The following LOXL4 variants were observed in gnomAD, a reference collection of about 807,000 sequenced individuals.
LOXL4 encodes the protein lysyl oxidase like 4.
LOXL4 carries 72 observed loss-of-function variants against 89.1 expected under a neutral mutation model. The ratio of observed to expected loss-of-function variants is 0.81; its 90% confidence interval spans 0.67 to 0.98. The LOEUF (loss-of-function observed/expected upper bound fraction) is 0.98, where lower values mean the gene tolerates loss of function less well. Ranked by LOEUF, LOXL4 falls within the 50% of genes least tolerant of loss-of-function variation. The pLI is 0.00. For missense variants in LOXL4, 984 were observed against 1,017.5 expected (o/e 0.97, Z 0.45); for synonymous variants, 355 against 392.1 (o/e 0.91, Z 1.12).
Position 98,257,638 on chromosome 10 carries a change from A to C in LOXL4, c.1260+12T>G. On this transcript the variant is annotated intron_variant, in intron 8 of 14. Transcript: ENST00000260702. ...GCCCCCAGCCTGAGGCCATGCTCAGACCCAAACTCACCTGATTCTGAAAGC... is the reference window on the plus strand; with the variant it reads ...GCCCCCAGCCTGAGGCCATGCTCAGCCCCAAACTCACCTGATTCTGAAAGC... 6.2e-7 allele frequency: 1 copy of C among 1,611,544 alleles called. No individual in the cohort carries two copies. Among genetic ancestry groups the C allele is most frequent in the Non-Finnish European group, 8.5e-7 (1 of 1,178,860 alleles).
intron 11 of LOXL4, among the ~76,000 whole-genome samples, chr10:98,253,203 GTTCCTGGGAGTCCCCACT>G (rs2135826468): frequency 6.6e-6 from 1 of 152,344 alleles, no homozygotes; most frequent in Non-Finnish European, 1.5e-5. Context: ...GGGCCCCCAG[GTTCCTGGGAGTCCCCACT>G]TTACCTGGCT....
chr10:98,251,878 T>G (rs748126899), intron 12 of LOXL4, 176 bp from the exon 13 acceptor site: 2 of 709,548 alleles, frequency 2.8e-6, no homozygotes, highest in Non-Finnish European at 4.5e-6. Flanking sequence ...AAGATAGGAT[T>G]TGTTTGACTG....
At chr10:98,255,839 G>A in intron 9 of LOXL4, 100 bp from the exon 10 acceptor site, 1 of 1,432,610 alleles carries the variant, frequency 7.0e-7, no homozygotes, top group Non-Finnish European at 9.5e-7. Context: ...CCACCGGGTT[G>A]TGTCCAGCCT....
intron 10 of LOXL4, 26 bp downstream of exon 10, chr10:98,255,551 A>G (rs1178573791): frequency 1.3e-6 from 2 of 1,585,710 alleles, no homozygotes; most frequent in South Asian, 2.2e-5. Flanking sequence ...ACCTGTCCCC[A>G]GCCCTGTGAG....
At chr10:98,258,801 C>T (rs964058414) in intron 6 of LOXL4, among the ~76,000 whole-genome samples, 11 of 152,296 alleles carry the variant, frequency 7.2e-5, no homozygotes, top group Non-Finnish European at 1.2e-4. Context: ...CTATTCAAGG[C>T]GGGTGATGTC....
Position 98,261,132 on chromosome 10 carries a change from G to C in LOXL4, c.457-5C>G. ...CACCTCCTCCAGCCGCCGGCCCTGC[G>C]GGGTGCACAGTCACCTGTGGGCCTC... On this transcript the variant is annotated splice_polypyrimidine_tract_variant and splice_region_variant and intron_variant, in intron 3 of 14. Coordinates refer to ENST00000260702, the MANE Select transcript of LOXL4 (RefSeq NM_032211.7). 6.2e-7 allele frequency: 1 copy of C among 1,609,874 alleles called. No homozygotes were observed. Among genetic ancestry groups the C allele is most frequent in the Non-Finnish European group, 8.5e-7 (1 of 1,179,862 alleles).
chr10:98,259,979 T>G (rs1858493722), intron 4 of LOXL4, among the ~76,000 whole-genome samples: 1 of 152,206 alleles, frequency 6.6e-6, no homozygotes, highest in Non-Finnish European at 1.5e-5. Context: ...AACAAGGGCC[T>G]TCTAACCCTT....
Position 98,260,999 on chromosome 10 carries a change from C to A in LOXL4, c.585G>T (p.Trp195Cys). 6.2e-7 allele frequency: 1 copy of A among 1,614,016 alleles called. No homozygotes were observed. The highest frequency in any genetic ancestry group is 8.5e-7 in the Non-Finnish European group (1 of 1,180,042). ...ACACCACCCTGCTGTTGTTCATGGT[C>A]CAGCCCTGGTCACACACCTGCCGCC... ...GHWRQVCDQGWTMNNSRVVCG... is the reference protein window; with the variant it reads ...GHWRQVCDQGCTMNNSRVVCG... The change falls in exon 4 of 15, where the codon TGG (tryptophan) becomes TGT (cysteine). Residue 195 changes from tryptophan to cysteine, a missense_variant. Physicochemically the swap from Trp to Cys is radical, Grantham distance 215. Transcript: ENST00000260702.
At chr10:98,251,500 C>G (rs1282539623) in intron 13 of LOXL4, 66 bp downstream of exon 13, 1 of 1,585,574 alleles carries the variant, frequency 6.3e-7, no homozygotes. Context: ...TTCATTTGCC[C>G]TCAGGGAAAG....
chr10:98,258,182 C>G lies in LOXL4; in HGVS notation c.922-18G>C, dbSNP rs1265550478. On this transcript the variant is annotated intron_variant, in intron 6 of 14. Coordinates refer to ENST00000260702, the MANE Select transcript of LOXL4 (RefSeq NM_032211.7). ...CTCGGCTCCTGCTGGGAGAAACCTG[C>G]TTCAGGGACGGCTGAGGAGGAGGCA... 2 of 1,600,606 alleles carry G rather than the reference C, an allele frequency of 1.2e-6. No individual in the cohort carries two copies. Among genetic ancestry groups the G allele is most frequent in the African/African-American group, 2.7e-5 (2 of 74,720 alleles).
rs148006095 is a variant in LOXL4 at position 98,256,881 on chromosome 10, C to G, written c.1327G>C (p.Val443Leu). The G allele has an allele frequency of 3.1e-6, 5 of 1,614,212 alleles. No homozygotes were observed. Among genetic ancestry groups the G allele is most frequent in the Non-Finnish European group, 4.2e-6 (5 of 1,180,030 alleles). The change falls in exon 9 of 15, where the codon GTC becomes CTC. Residue 443 changes from valine (V) to leucine (L), a missense_variant. By Grantham distance (32) the Val-to-Leu change is conservative. Coordinates refer to ENST00000260702, the MANE Select transcript of LOXL4 (RefSeq NM_032211.7). ...CTGCACACGCTCCCCCAGCGTGGGA[C>G]CCCGTTCACCTCCACCTGCACCTCC... ...LLEVQVEVNG[V>L]PRWGSVCSEN...
At chr10:98,255,495 C>A in intron 10 of LOXL4, 82 bp downstream of exon 10, 1 of 1,444,232 alleles carries the variant, frequency 6.9e-7, no homozygotes, top group Non-Finnish European at 9.4e-7. Context: ...TGGCCATAGA[C>A]CTGGGACCAG....
intron 9 of LOXL4, chr10:98,256,430 C>T (rs2135832126): frequency 3.1e-6 from 1 of 323,170 alleles, no homozygotes; most frequent in Middle Eastern, 9.0e-4. Flanking sequence ...TGACAGCACT[C>T]TCGAGAGAGA....
Position 98,253,607 on chromosome 10 carries a change from G to T in LOXL4, c.1781C>A (p.Thr594Asn), listed in dbSNP as rs1219978963. The T allele has an allele frequency of 6.2e-7, 1 of 1,614,156 alleles. No homozygotes were observed. Among genetic ancestry groups the T allele is most frequent in the African/African-American group, 1.3e-5 (1 of 74,958 alleles). Residue 594 changes from threonine (T) to asparagine (N), a missense_variant, in exon 11 of 15, where the codon ACT becomes AAT. Physicochemically the swap from Thr to Asn is moderately conservative, Grantham distance 65. Transcript: ENST00000260702. ...GCGTCCAGTCTTTGGACGAAAGTCAGTCCGGCCCAGATTGTAGATCTGTGT... is the reference window on the plus strand; with the variant it reads ...GCGTCCAGTCTTTGGACGAAAGTCATTCCGGCCCAGATTGTAGATCTGTGT... ...FSTQIYNLGR[T>N]DFRPKTGRDS...
In LOXL4 at chr10:98,251,552, C is replaced by G. The variant is rs759317680; in HGVS notation, c.2088+14G>C. 6.2e-7 allele frequency: 1 copy of G among 1,613,402 alleles called. No homozygotes were observed. The highest frequency in any genetic ancestry group is 8.5e-7 in the Non-Finnish European group (1 of 1,179,600). On this transcript the variant is annotated intron_variant, in intron 13 of 14. Coordinates refer to ENST00000260702, the MANE Select transcript of LOXL4 (RefSeq NM_032211.7). ...GGAAATCAGGCTCTGTGGGGAATCC[C>G]CCAGCCGCCTTACCTGGAAGATATA...
At chr10:98,249,424 G>C (rs574804072) in intron 14 of LOXL4, among the ~76,000 whole-genome samples, 15 of 152,358 alleles carry the variant, frequency 9.8e-5, no homozygotes, top group Non-Finnish European at 2.2e-4. Flanking sequence ...GGTTCTGGCA[G>C]TGATGGTCTG....
intron 1 of LOXL4, among the ~76,000 whole-genome samples, chr10:98,265,823 G>A (rs1858670321): frequency 6.6e-6 from 1 of 152,176 alleles, no homozygotes; most frequent in Admixed American, 6.5e-5. Flanking sequence ...GCAAGTCCTT[G>A]GTACTCCTCT....
intron 13 of LOXL4, 48 bp downstream of exon 13, chr10:98,251,518 A>G (rs1858191388): frequency 6.2e-7 from 1 of 1,602,532 alleles, no homozygotes. Flanking sequence ...AAGTTGTGGA[A>G]CATCTGGAGG....
intron 12 of LOXL4, 109 bp downstream of exon 12, chr10:98,252,244 T>G: frequency 2.6e-6 from 2 of 771,692 alleles, no homozygotes; most frequent in Non-Finnish European, 4.3e-6. Context: ...AGCCAGGGTC[T>G]CCAGGTGCCC....
Sources: gnomAD v4.1 joint callset for allele counts (sites outside exome capture counted in the v4.1 genomes callset) on GRCh38, gnomAD v4.1.1 for gene constraint, MANE v1.5 for transcripts, NCBI Gene and HGNC (gene_info 2026-07-23, HGNC 2026-07-21) for gene names.